CACNA1I: variants seen among roughly 807,000 people sequenced by gnomAD.
CACNA1I encodes calcium voltage-gated channel subunit alpha1 I, also known as voltage-dependent T-type calcium channel subunit alpha-1I.
Under a neutral mutation model 201.6 loss-of-function variants are expected in CACNA1I, and 74 were observed. That is an observed-to-expected ratio of 0.37 (90% CI 0.30 to 0.45). CACNA1I has a LOEUF of 0.45. Ranked by LOEUF, CACNA1I falls within the 20% of genes least tolerant of loss-of-function variation. CACNA1I has a pLI of 1.00. For missense variants in CACNA1I, 2,346 were observed against 3,138.1 expected (o/e 0.75, Z 6.03); for synonymous variants, 1,431 against 1,345.2 (o/e 1.06, Z -1.40).
chr22:39,578,981 A>G (rs1462242615), intron 1 of CACNA1I, among the ~76,000 whole-genome samples: 1 of 152,076 alleles, frequency 6.6e-6, no homozygotes, highest in Admixed American at 6.5e-5. Context: ...TCCAGGCACC[A>G]TCGGCAGGAA....
In CACNA1I at chr22:39,689,566, C is replaced by G. The variant is rs1489962369; in HGVS notation, c.*3161C>G. 6.5e-6 allele frequency: 1 copy of G among 152,824 alleles called. No individual in the cohort carries two copies. The highest frequency in any genetic ancestry group is 2.4e-5 in the African/African-American group (1 of 41,480). The allele number at this position is 152,824 out of a possible 1,614,324, so 9.5% of individuals were successfully genotyped here. The stretch of plus-strand genomic sequence containing the variant: ...GAAAGCCCTCGGCCTGGGCCGCCGC[C>G]GTGACTCTAGCACTCTCAGTCGCTG... On this transcript the variant is annotated 3_prime_UTR_variant, in exon 37 of 37. Coordinates refer to ENST00000402142, the MANE Select transcript of CACNA1I (RefSeq NM_021096.4).
rs1466312724 is a variant in CACNA1I at position 39,687,855 on chromosome 22, A to G, written c.*1450A>G. On this transcript the variant is annotated 3_prime_UTR_variant, in exon 37 of 37. Transcript: ENST00000402142. ...TTTAAAAAGGGAGTGACTTTCATGA[A>G]GTCAGTTTGAAGAAGGAGGTTGGGA... The G allele has an allele frequency of 6.6e-6, 1 of 152,236 alleles. No homozygotes were observed. Among genetic ancestry groups the G allele is most frequent in the Non-Finnish European group, 1.5e-5 (1 of 68,046 alleles). 9.4% of individuals were successfully genotyped at this position (152,236 alleles called of 1,614,324 possible). A position where few individuals can be genotyped will look rare whatever the true frequency, so the allele number is the denominator to read the frequency against.
Position 39,677,443 on chromosome 22 carries a change from C to T in CACNA1I, c.4933+24C>T, listed in dbSNP as rs369422068. ...GGGTGAGTGACTCCCAGAGCAGGCC[C>T]GTGGTGGGGGTGCAGCAGGGCTGCA... is the stretch of plus-strand genomic sequence containing the variant. On this transcript the variant is annotated intron_variant, in intron 30 of 36. Transcript: ENST00000402142. The surrounding 1 kb of genome is among the most constrained non-coding windows in gnomAD (Gnocchi z 4.8). 8.5e-5 allele frequency: 122 copies of T among 1,432,764 alleles called. No individual in the cohort carries two copies. Among genetic ancestry groups the T allele is most frequent in the South Asian group, 7.7e-5 (6 of 78,060 alleles). 88.8% of individuals were successfully genotyped at this position (1,432,764 alleles called of 1,614,324 possible).
In CACNA1I at chr22:39,679,090, C is replaced by A; in HGVS notation, c.5056-17C>A. On this transcript the variant is annotated splice_polypyrimidine_tract_variant and intron_variant, in intron 31 of 36. Transcript: ENST00000402142. ...GATGTCTCCGTCCTCATCCTCACCG[C>A]CCTCCCTGCCACGCAGGACACGCTG... 6.4e-7 allele frequency: 1 copy of A among 1,561,604 alleles called. No individual in the cohort carries two copies. The highest frequency in any genetic ancestry group is 2.3e-5 in the East Asian group (1 of 42,716).
At chr22:39,683,103 G>GT (rs1935752164) in intron 35 of CACNA1I, among the ~76,000 whole-genome samples, 1 of 152,218 alleles carries the variant, frequency 6.6e-6, no homozygotes, top group Admixed American at 6.5e-5. Context: ...TTCAATAGCC[G>GT]TTTTGTGAAT....
In CACNA1I at chr22:39,666,552, G is replaced by T. The variant is rs1350524772; in HGVS notation, c.4104+546G>T. ...TTTCCCCTTGGTCTCCTCTCCTGAG[G>T]GCCTGCCAGGTGTGACCCATCTGGG... is the stretch of plus-strand genomic sequence containing the variant. On this transcript the variant is annotated intron_variant, in intron 23 of 36. Coordinates refer to ENST00000402142, the MANE Select transcript of CACNA1I (RefSeq NM_021096.4). This position sits in a 1 kb window ranked among gnomAD's most constrained non-coding sequence, Gnocchi z 4.1. 6.6e-6 allele frequency among the ~76,000 whole-genome samples: 1 copy of T among 152,200 alleles called. No individual in the cohort carries two copies. Among genetic ancestry groups the T allele is most frequent in the Non-Finnish European group, 1.5e-5 (1 of 68,028 alleles).
intron 28 of CACNA1I, among the ~76,000 whole-genome samples, 157 bp downstream of exon 28, chr22:39,673,239 CT>C (rs749614895): frequency 1.4e-4 from 21 of 152,060 alleles, no homozygotes; most frequent in Non-Finnish European, 2.6e-4. Context: ...TGAGAAGGAG[CT>C]GGGAGGCACA....
intron 3 of CACNA1I, among the ~76,000 whole-genome samples, chr22:39,605,054 C>T (rs1439604167): frequency 7.3e-5 from 11 of 150,724 alleles, no homozygotes; most frequent in South Asian, 2.1e-4. Context: ...CCCAGCCCTC[C>T]GGTCCCCCTC....
Position 39,659,613 on chromosome 22 carries a change from GC to G in CACNA1I, c.2448+64del. 6.2e-7 allele frequency: 1 copy of G among 1,600,778 alleles called. No individual in the cohort carries two copies. Among genetic ancestry groups the G allele is most frequent in the Non-Finnish European group, 8.6e-7 (1 of 1,168,310 alleles). On this transcript the variant is annotated intron_variant, in intron 13 of 36. Transcript: ENST00000402142. The surrounding 1 kb of genome is among the most constrained non-coding windows in gnomAD (Gnocchi z 4.3). ...CGATGGGACAGTAGGCCTGGGAGGG[GC>G]GGGGCTGACAACTCCCATGCCTCCT...
At chr22:39,587,656 C>A in intron 1 of CACNA1I, 1 of 411,166 alleles carries the variant, frequency 2.4e-6, no homozygotes, top group Admixed American at 3.0e-5. Flanking sequence ...TGTCCTTGGG[C>A]AAGGCTAAGG....
Position 39,685,686 on chromosome 22 carries a change from C to G in CACNA1I, c.6028-75C>G. 1 of 1,229,326 alleles carries G rather than the reference C, an allele frequency of 8.1e-7. No homozygotes were observed. Among genetic ancestry groups the G allele is most frequent in the Non-Finnish European group, 1.1e-6 (1 of 946,054 alleles). The allele number at this position is 1,229,326 out of a possible 1,614,324, so 76.2% of individuals were successfully genotyped here. ...TGGGGTCTGCCTGCTGCCTGCTGTG[C>G]GGGGGAGGGCGGCGTCCAGGTTGCT... On this transcript the variant is annotated intron_variant, in intron 36 of 36. Transcript: ENST00000402142. The surrounding 1 kb of genome is among the most constrained non-coding windows in gnomAD (Gnocchi z 5.0).
chr22:39,652,409 T>G (rs1205404912), intron 10 of CACNA1I, among the ~76,000 whole-genome samples: 1 of 152,172 alleles, frequency 6.6e-6, no homozygotes, highest in East Asian at 1.9e-4. Flanking sequence ...GCCCACCTGA[T>G]TTCCTCATCT....
intron 4 of CACNA1I, among the ~76,000 whole-genome samples, chr22:39,623,660 C>G (rs559931724): frequency 8.4e-6 from 1 of 119,470 alleles, no homozygotes; most frequent in African/African-American, 3.3e-5. Context: ...ATGTGTGCTG[C>G]GAGGGGGTAT....
At chr22:39,579,749 C>A (rs111326860) in intron 1 of CACNA1I, among the ~76,000 whole-genome samples, 1 of 151,870 alleles carries the variant, frequency 6.6e-6, no homozygotes, top group African/African-American at 2.4e-5. Flanking sequence ...CAGATTCAAG[C>A]GATTCTCCTG....
chr22:39,590,944 T>C (rs1394928839), intron 1 of CACNA1I, among the ~76,000 whole-genome samples: 1 of 152,070 alleles, frequency 6.6e-6, no homozygotes, highest in African/African-American at 2.4e-5. Context: ...CTCCTGGGCT[T>C]AAGTGATCCT....
In CACNA1I at chr22:39,634,944, C is replaced by T. The variant is rs189889081; in HGVS notation, c.740+220C>T. 1.3e-4 allele frequency among the ~76,000 whole-genome samples: 20 copies of T among 152,186 alleles called. 1 individual carries two copies. The East Asian group carries it at 2.3e-3, about 18-fold the overall frequency. On this transcript the variant is annotated intron_variant, in intron 5 of 36. Transcript: ENST00000402142. ...AGAGCAGGCACAGAACTTGGCTCTCCGCCCACAGCACATTCATTCCCCTTG... is the reference window on the plus strand; with the variant it reads ...AGAGCAGGCACAGAACTTGGCTCTCTGCCCACAGCACATTCATTCCCCTTG...
In CACNA1I at chr22:39,647,011, C is replaced by T. The variant is rs1934513789; in HGVS notation, c.1462+130C>T. 3 of 1,363,004 alleles carry T rather than the reference C, an allele frequency of 2.2e-6. No homozygotes were observed. The East Asian group carries it at 7.6e-5, about 35-fold the overall frequency. 84.4% of individuals were successfully genotyped at this position (1,363,004 alleles called of 1,614,324 possible). On this transcript the variant is annotated intron_variant, in intron 8 of 36. Coordinates refer to ENST00000402142, the MANE Select transcript of CACNA1I (RefSeq NM_021096.4). ...ACTTCATGCTCAAGTGTTTCCTTCA[C>T]AGCCCCCAGGGACCTCTGTCCCCAC...
intron 6 of CACNA1I, 51 bp downstream of exon 6, chr22:39,641,233 G>T (rs992313607): frequency 1.7e-5 from 25 of 1,496,218 alleles, no homozygotes; most frequent in Non-Finnish European, 2.3e-5. Flanking sequence ...GGGCAGCTCT[G>T]CCTGGTGGGC....
At chr22:39,642,514 C>T (rs1163226434) in intron 6 of CACNA1I, among the ~76,000 whole-genome samples, 1 of 152,206 alleles carries the variant, frequency 6.6e-6, no homozygotes, top group Non-Finnish European at 1.5e-5. Flanking sequence ...CCCTGCTTTT[C>T]CAGCCCTCCC....
Sources: allele counts gnomAD v4.1 joint callset (sites outside exome capture counted in the v4.1 genomes callset), GRCh38; gene constraint gnomAD v4.1.1; non-coding constraint Gnocchi (gnomAD v3.1); transcripts MANE v1.5; gene names NCBI Gene and HGNC (gene_info 2026-07-23, HGNC 2026-07-21).